XPNPEP1: variants seen among roughly 807,000 people sequenced by gnomAD.
The protein encoded by XPNPEP1 is X-prolyl aminopeptidase 1.
In XPNPEP1, 39 loss-of-function variants were observed where a neutral mutation model predicts 92.4. The observed-to-expected ratio is 0.42, with a 90% CI of 0.33 to 0.55. The LOEUF (loss-of-function observed/expected upper bound fraction) is 0.55, where lower values mean the gene tolerates loss of function less well. XPNPEP1 is among the 20% of genes least tolerant of loss of function. The pLI is 0.08. For synonymous variants in XPNPEP1, 307 were observed against 299.4 expected (o/e 1.03, Z -0.26); for missense variants, 654 against 856.1 (o/e 0.76, Z 2.95).
At chr10:109,922,766 C>T (rs1283716962) in intron 1 of XPNPEP1, among the ~76,000 whole-genome samples, 1 of 152,184 alleles carries the variant, frequency 6.6e-6, no homozygotes, top group Non-Finnish European at 1.5e-5. Flanking sequence ...TAAACTAAAA[C>T]ATGTTTAACT....
chr10:109,868,501 T>G, intron 20 of XPNPEP1, 113 bp downstream of exon 20: 2 of 1,005,348 alleles, frequency 2.0e-6, no homozygotes, highest in Non-Finnish European at 2.9e-6. Flanking sequence ...ATTTAAAAAT[T>G]ACAAAGTGAG....
At chr10:109,865,424 G>A in intron 20 of XPNPEP1, 112 bp from the exon 21 acceptor site, 1 of 1,394,236 alleles carries the variant, frequency 7.2e-7, no homozygotes, top group Non-Finnish European at 9.9e-7. Context: ...TGAGAGAAAA[G>A]GTGTGCAACA....
chr10:109,889,033 A>G (rs1848561344), intron 5 of XPNPEP1, among the ~76,000 whole-genome samples: 1 of 152,208 alleles, frequency 6.6e-6, no homozygotes, highest in Admixed American at 6.5e-5. Context: ...AGGTAAGGTG[A>G]TAACATGCTC....
At chr10:109,893,267 G>C (rs1848802298) in intron 3 of XPNPEP1, 192 bp from the exon 4 acceptor site, 2 of 513,798 alleles carry the variant, frequency 3.9e-6, no homozygotes, top group Non-Finnish European at 3.5e-6. Flanking sequence ...ATTAATTAAG[G>C]GCAGAGAGAG....
chr10:109,879,014 G>A (rs959808038), intron 12 of XPNPEP1, among the ~76,000 whole-genome samples: 84 of 152,020 alleles, frequency 5.5e-4, no homozygotes, highest in African/African-American at 1.8e-3. Context: ...AGGCCGAGGC[G>A]GGCGGATCAC....
intron 3 of XPNPEP1, among the ~76,000 whole-genome samples, chr10:109,903,673 A>C (rs191102330): frequency 6.6e-6 from 1 of 152,310 alleles, no homozygotes; most frequent in East Asian, 1.9e-4. Flanking sequence ...AAGAAAAAAC[A>C]AAATTCCTTG....
intron 11 of XPNPEP1, among the ~76,000 whole-genome samples, 196 bp downstream of exon 11, chr10:109,880,646 G>A (rs992217988): frequency 6.6e-6 from 1 of 152,174 alleles, no homozygotes; most frequent in African/African-American, 2.4e-5. Context: ...CTTTTGTATT[G>A]TGTATTATAC....
At chr10:109,881,242 T>C (rs1316067434) in intron 10 of XPNPEP1, among the ~76,000 whole-genome samples, 1 of 152,206 alleles carries the variant, frequency 6.6e-6, no homozygotes, top group East Asian at 1.9e-4. Flanking sequence ...GCCACTGTGG[T>C]TGTGGTTAGA....
intron 19 of XPNPEP1, 64 bp downstream of exon 19, chr10:109,869,889 G>T: frequency 6.6e-7 from 1 of 1,522,758 alleles, no homozygotes; most frequent in South Asian, 1.1e-5. Flanking sequence ...TGTAGCCAAT[G>T]AGGTCTATCC....
intron 1 of XPNPEP1, among the ~76,000 whole-genome samples, chr10:109,919,647 G>T (rs184416409): frequency 3.1e-4 from 47 of 152,268 alleles, no homozygotes; most frequent in African/African-American, 1.1e-3. Context: ...TGCATTATTT[G>T]TAACAGCCAA....
At chr10:109,873,247 A>C in intron 16 of XPNPEP1, 120 bp downstream of exon 16, 1 of 1,152,512 alleles carries the variant, frequency 8.7e-7, no homozygotes, top group South Asian at 1.3e-5. Flanking sequence ...CTCCACAGCA[A>C]GGAGCAATTT....
intron 1 of XPNPEP1, among the ~76,000 whole-genome samples, chr10:109,918,552 G>T (rs1475402069): frequency 6.6e-6 from 1 of 152,150 alleles, no homozygotes; most frequent in East Asian, 1.9e-4. Flanking sequence ...ACGAGGTCAG[G>T]AGATCCAGAC....
intron 1 of XPNPEP1, among the ~76,000 whole-genome samples, chr10:109,916,087 G>A (rs189374797): frequency 5.6e-4 from 85 of 152,276 alleles, no homozygotes; most frequent in African/African-American, 1.5e-3. Context: ...TACACAATAC[G>A]TCAAGTAATA....
intron 20 of XPNPEP1, 77 bp downstream of exon 20, chr10:109,868,537 G>A: frequency 8.2e-7 from 1 of 1,224,368 alleles, no homozygotes; most frequent in Non-Finnish European, 1.2e-6. Context: ...TTAGGATTTA[G>A]AGGATGGATT....
intron 8 of XPNPEP1, among the ~76,000 whole-genome samples, chr10:109,885,965 G>A (rs1848365267): frequency 6.6e-6 from 1 of 152,172 alleles, no homozygotes; most frequent in Non-Finnish European, 1.5e-5. Flanking sequence ...AATATTTGTA[G>A]GAAATGCCCT....
intron 8 of XPNPEP1, among the ~76,000 whole-genome samples, 174 bp downstream of exon 8, chr10:109,886,072 C>T (rs940296733): frequency 1.3e-5 from 2 of 152,226 alleles, no homozygotes; most frequent in Non-Finnish European, 2.9e-5. Context: ...TCCCCAGCTC[C>T]CTGTAATTCT....
At chr10:109,887,843 C>CA (rs1848477121) in intron 7 of XPNPEP1, among the ~76,000 whole-genome samples, 1 of 152,204 alleles carries the variant, frequency 6.6e-6, no homozygotes, top group Non-Finnish European at 1.5e-5. Context: ...CGAAAATAAC[C>CA]AAAGCCAAAC....
At position 109,873,313 on chromosome 10, in the gene XPNPEP1, T is replaced by C. The variant is rs994152821; in HGVS notation, c.1452+54A>G. 1.9e-6 allele frequency: 3 copies of C among 1,592,292 alleles called. No homozygotes were observed. In the African/African-American group the frequency reaches 4.0e-5, roughly 21 times the overall value. On this transcript the variant is annotated intron_variant, in intron 16 of 20. Coordinates refer to ENST00000502935, the MANE Select transcript of XPNPEP1 (RefSeq NM_020383.4). ...ATACAATCCCTTTTCATAAAAGCAA[T>C]GCTCTTCTTAAGAAAGCAGAGAGGA...
At chr10:109,893,113 A>G in intron 3 of XPNPEP1, 38 bp from the exon 4 acceptor site, 1 of 1,586,328 alleles carries the variant, frequency 6.3e-7, no homozygotes, top group Non-Finnish European at 8.6e-7. Flanking sequence ...GGCCTCGATC[A>G]GTCATGAGCA....
Sources: allele counts gnomAD v4.1 joint callset (sites outside exome capture counted in the v4.1 genomes callset), GRCh38; gene constraint gnomAD v4.1.1; transcripts MANE v1.5; gene names NCBI Gene and HGNC (gene_info 2026-07-23, HGNC 2026-07-21).